The following NGEF variants were observed in gnomAD, a reference collection of about 807,000 sequenced individuals.
NGEF encodes ephexin-1.
A neutral mutation model predicts 80.9 loss-of-function variants in NGEF; 31 were observed. That is an observed-to-expected ratio of 0.38 (90% CI 0.29 to 0.52). The LOEUF is 0.52. Ranked by LOEUF, NGEF falls within the 20% of genes least tolerant of loss-of-function variation. The probability of loss-of-function intolerance (pLI) is 0.84; values close to 1 mark genes in which losing one functional copy is unlikely to be tolerated. For synonymous variants in NGEF, 371 were observed against 370.2 expected, an observed-to-expected ratio of 1.00 and a Z score of -0.03; for missense variants, 709 against 926.2, an observed-to-expected ratio of 0.77 and a Z score of 3.04.
chr2:232,931,033 T>C (rs1436223481), intron 3 of NGEF, among the ~76,000 whole-genome samples: 1 of 152,170 alleles, frequency 6.6e-6, no homozygotes, highest in African/African-American at 2.4e-5. Flanking sequence ...AAATTCTATG[T>C]TTCCAAAATA....
chr2:232,953,427 G>A (rs181577735), intron 3 of NGEF, among the ~76,000 whole-genome samples: 2 of 148,510 alleles, frequency 1.3e-5, no homozygotes, highest in Middle Eastern at 3.6e-3. Context: ...TAATAAATGA[G>A]ACAGCTACTC....
intron 1 of NGEF, among the ~76,000 whole-genome samples, chr2:232,988,435 T>C (rs1033948334): frequency 4.6e-5 from 7 of 152,220 alleles, no homozygotes; most frequent in Non-Finnish European, 8.8e-5. Context: ...AGATGTCTTT[T>C]TTCACTTGCT....
At chr2:233,006,642 G>T (rs1695089167) in intron 1 of NGEF, among the ~76,000 whole-genome samples, 2 of 152,170 alleles carry the variant, frequency 1.3e-5, no homozygotes. Flanking sequence ...TGGAAAAAGT[G>T]ATCCTTTTTC....
At chr2:232,929,125 C>T (rs1031431779) in intron 3 of NGEF, among the ~76,000 whole-genome samples, 1 of 152,236 alleles carries the variant, frequency 6.6e-6, no homozygotes, top group Non-Finnish European at 1.5e-5. Context: ...CGCCTGCAGC[C>T]GGGCCTGTCC....
chr2:232,885,027 G>A (rs1691629556), intron 10 of NGEF: 4 of 493,746 alleles, frequency 8.1e-6, no homozygotes, highest in Middle Eastern at 5.5e-4. Flanking sequence ...CACACCCTGC[G>A]TGGGTCTGGG....
At chr2:232,994,623 C>A (rs1448660763) in intron 1 of NGEF, among the ~76,000 whole-genome samples, 3 of 152,040 alleles carry the variant, frequency 2.0e-5, no homozygotes, top group Non-Finnish European at 4.4e-5. Context: ...GTGGAGCCAG[C>A]CAGGCATGGC....
intron 5 of NGEF, 134 bp from the exon 6 acceptor site, chr2:232,895,050 G>T: frequency 1.0e-6 from 1 of 975,620 alleles, no homozygotes; most frequent in Non-Finnish European, 1.5e-6. Flanking sequence ...CCTGGGGCCT[G>T]GGATGGCTGC....
In NGEF at chr2:232,975,903, T is replaced by C. The variant is rs762071711; in HGVS notation, c.-74-939A>G. 7.9e-4 allele frequency among the ~76,000 whole-genome samples: 121 copies of C among 152,268 alleles called. 1 individual carries two copies. Among genetic ancestry groups the C allele is most frequent in the South Asian group, 1.0e-3 (5 of 4,824 alleles). ...GCCTATCGGTCCAGAGATTCCATCA[T>C]ACCTTCAAAATGGTCAGAGACTTGG... On this transcript the variant is annotated intron_variant, in intron 1 of 14. Coordinates refer to ENST00000264051, the MANE Select transcript of NGEF (RefSeq NM_019850.3).
At chr2:232,998,564 G>T (rs1165914178) in intron 1 of NGEF, among the ~76,000 whole-genome samples, 1 of 152,058 alleles carries the variant, frequency 6.6e-6, no homozygotes, top group Admixed American at 6.5e-5. Flanking sequence ...TGCCATAGGG[G>T]GGCTACAGTC....
At chr2:232,945,644 G>C (rs953289131) in intron 3 of NGEF, among the ~76,000 whole-genome samples, 8 of 151,812 alleles carry the variant, frequency 5.3e-5, no homozygotes, top group Non-Finnish European at 8.8e-5. Flanking sequence ...CTGAGAGGGA[G>C]TGTGGTCCTG....
intron 1 of NGEF, among the ~76,000 whole-genome samples, chr2:232,976,153 A>ATC (rs1486856385): frequency 6.6e-6 from 1 of 152,148 alleles, no homozygotes; most frequent in Non-Finnish European, 1.5e-5. Context: ...ATAAGCAGAG[A>ATC]TCTTGCCACT....
intron 5 of NGEF, among the ~76,000 whole-genome samples, chr2:232,895,911 A>C (rs1692044184): frequency 6.6e-6 from 1 of 152,140 alleles, no homozygotes; most frequent in Non-Finnish European, 1.5e-5. Flanking sequence ...TGAGCCTCTG[A>C]ATAGCTGACT....
chr2:232,884,659 G>A (rs1421258772), intron 10 of NGEF, among the ~76,000 whole-genome samples: 2 of 152,216 alleles, frequency 1.3e-5, no homozygotes, highest in African/African-American at 4.8e-5. Flanking sequence ...CTGAACGGCC[G>A]CCTGGCAGAC....
At chr2:232,907,188 G>GAAAA (rs10654316) in intron 5 of NGEF, among the ~76,000 whole-genome samples, 28 of 113,154 alleles carry the variant, frequency 2.5e-4, no homozygotes, top group East Asian at 7.7e-4. Flanking sequence ...AGAAAAAAAA[G>GAAAA]AAAAAAAAAA....
chr2:232,953,301 C>CAAAAAAAAAAAAAAAAAAA (rs57652494), intron 3 of NGEF, among the ~76,000 whole-genome samples: 2 of 91,182 alleles, frequency 2.2e-5, no homozygotes, highest in Admixed American at 1.4e-4. Flanking sequence ...GACTCTGTGT[C>CAAAAAAAAAAAAAAAAAAA]AAAAAAAAAA....
intron 1 of NGEF, among the ~76,000 whole-genome samples, chr2:232,991,972 A>C (rs1459183129): frequency 6.6e-6 from 1 of 152,228 alleles, no homozygotes; most frequent in East Asian, 1.9e-4. Context: ...CCATTCAATG[A>C]GAAAAGGATA....
At chr2:232,933,251 G>A (rs7576229) in intron 3 of NGEF, among the ~76,000 whole-genome samples, 3,396 of 152,220 alleles carry the variant, frequency 0.022, 134 homozygotes, top group African/African-American at 0.078. Flanking sequence ...TTGCAGGAGA[G>A]ATTAAACATT....
intron 1 of NGEF, among the ~76,000 whole-genome samples, chr2:232,979,570 C>A (rs572229669): frequency 6.6e-6 from 1 of 152,294 alleles, no homozygotes; most frequent in Non-Finnish European, 1.5e-5. Flanking sequence ...CTGATGTTCC[C>A]TTAAGTTCCT....
At chr2:232,983,727 G>A (rs757069481) in intron 1 of NGEF, among the ~76,000 whole-genome samples, 5 of 152,250 alleles carry the variant, frequency 3.3e-5, no homozygotes, top group African/African-American at 4.8e-5. Context: ...GTAGGGTTGG[G>A]ACTAACCTGG....
Sources: gnomAD v4.1 joint callset for allele counts (sites outside exome capture counted in the v4.1 genomes callset) on GRCh38, gnomAD v4.1.1 for gene constraint, MANE v1.5 for transcripts, NCBI Gene and HGNC (gene_info 2026-07-23, HGNC 2026-07-21) for gene names.